The following DOCK2 variants were observed in gnomAD, a reference collection of about 807,000 sequenced individuals.
DOCK2 encodes the protein dedicator of cytokinesis protein 2.
Under a neutral mutation model 248.9 loss-of-function variants are expected in DOCK2, and 87 were observed. The observed-to-expected ratio is 0.35, with a 90% CI of 0.29 to 0.42. DOCK2 has a LOEUF of 0.42. Among genes scored for constraint, DOCK2 ranks in the 10% least tolerant of loss-of-function variants. The pLI is 1.00. For synonymous variants in DOCK2, 805 were observed against 821.6 expected (o/e 0.98, Z 0.35); for missense variants, 1,747 against 2,300.2 (o/e 0.76, Z 4.92).
intron 27 of DOCK2, among the ~76,000 whole-genome samples, chr5:169,852,364 G>C (rs577315717): frequency 1.3e-5 from 2 of 152,318 alleles, no homozygotes; most frequent in South Asian, 4.1e-4. Context: ...GAGAAACAGC[G>C]TATCTGCCAT....
chr5:169,706,487 CAGTA>C (rs1255326113), intron 14 of DOCK2, among the ~76,000 whole-genome samples: 12 of 152,170 alleles, frequency 7.9e-5, no homozygotes, highest in African/African-American at 2.9e-4. Flanking sequence ...GGGATGCTGA[CAGTA>C]AGCATCAGAG....
At chr5:169,950,963 T>C (rs1776639561) in intron 27 of DOCK2, among the ~76,000 whole-genome samples, 1 of 152,234 alleles carries the variant, frequency 6.6e-6, no homozygotes, top group African/African-American at 2.4e-5. Flanking sequence ...TTGATGAGAC[T>C]ATATAAAATT....
At chr5:169,799,778 T>G (rs1393307505) in intron 25 of DOCK2, among the ~76,000 whole-genome samples, 2 of 152,110 alleles carry the variant, frequency 1.3e-5, no homozygotes, top group Non-Finnish European at 2.9e-5. Context: ...ATCAATGTAT[T>G]GTACTCTCAA....
At chr5:169,691,861 TTA>T (rs1461390711) in intron 9 of DOCK2, among the ~76,000 whole-genome samples, 2 of 125,442 alleles carry the variant, frequency 1.6e-5, no homozygotes, top group African/African-American at 9.0e-5. Flanking sequence ...TTATTTTTAT[TTA>T]TTTTTTTTTT....
At chr5:169,980,466 C>T (rs1777901298) in intron 27 of DOCK2, 2 of 152,090 alleles carry the variant, frequency 1.3e-5, no homozygotes. Context: ...GAACAAACTG[C>T]TCGGCAGCTA....
chr5:169,818,451 A>T (rs148059797), intron 26 of DOCK2, among the ~76,000 whole-genome samples: 1 of 152,340 alleles, frequency 6.6e-6, no homozygotes, highest in African/African-American at 2.4e-5. Flanking sequence ...TTGAATTCCA[A>T]TGCCATCACT....
At chr5:169,663,424 C>T (rs533990801) in intron 2 of DOCK2, among the ~76,000 whole-genome samples, 13 of 152,344 alleles carry the variant, frequency 8.5e-5, no homozygotes, top group South Asian at 2.1e-4. Flanking sequence ...CAGTGCCTCA[C>T]GGGGGACTCT....
At chr5:169,870,927 C>G (rs1771926831) in intron 27 of DOCK2, among the ~76,000 whole-genome samples, 1 of 151,562 alleles carries the variant, frequency 6.6e-6, no homozygotes, top group South Asian at 2.1e-4. Flanking sequence ...CACTTTATTT[C>G]TCACAGTTCT....
intron 44 of DOCK2, 57 bp from the exon 45 acceptor site, chr5:170,067,452 CT>C: frequency 1.9e-6 from 3 of 1,539,972 alleles, no homozygotes; most frequent in Non-Finnish European, 2.7e-6. Context: ...CCAATAATAT[CT>C]GTTTTTAAAG....
At chr5:169,771,060 TC>T (rs1415720676) in intron 25 of DOCK2, among the ~76,000 whole-genome samples, 8 of 152,216 alleles carry the variant, frequency 5.3e-5, no homozygotes. Flanking sequence ...CAATTTACAC[TC>T]CCACCAGCAA....
chr5:169,920,303 G>A (rs557111843), intron 27 of DOCK2, among the ~76,000 whole-genome samples: 25 of 152,244 alleles, frequency 1.6e-4, no homozygotes, highest in African/African-American at 5.8e-4. Flanking sequence ...ATAATATTAT[G>A]TAAGATGTAA....
intron 6 of DOCK2, among the ~76,000 whole-genome samples, chr5:169,678,648 G>A (rs1465274430): frequency 2.0e-5 from 3 of 152,140 alleles, no homozygotes; most frequent in African/African-American, 7.2e-5. Flanking sequence ...TCTTTTGAAC[G>A]GCAGGTGATT....
At chr5:169,696,353 C>T (rs371600603) in intron 10 of DOCK2, among the ~76,000 whole-genome samples, 13 of 152,310 alleles carry the variant, frequency 8.5e-5, no homozygotes, top group African/African-American at 2.6e-4. Context: ...CAGATGGAAA[C>T]GGACATTTGG....
At chr5:169,652,328 C>T (rs531240984) in intron 1 of DOCK2, among the ~76,000 whole-genome samples, 2 of 152,368 alleles carry the variant, frequency 1.3e-5, no homozygotes, top group South Asian at 4.1e-4. Context: ...CAGTTGTACA[C>T]TGCAGCCCTA....
chr5:169,786,894 C>T (rs993119988), intron 25 of DOCK2, among the ~76,000 whole-genome samples: 5 of 152,098 alleles, frequency 3.3e-5, no homozygotes, highest in South Asian at 2.1e-4. Flanking sequence ...CTATTAGCCA[C>T]GACCCTTATC....
chr5:169,678,551 C>A (rs1759472601), intron 6 of DOCK2, among the ~76,000 whole-genome samples: 2 of 152,172 alleles, frequency 1.3e-5, no homozygotes, highest in African/African-American at 4.8e-5. Flanking sequence ...TCATAAGCCA[C>A]CGAGCCTGGC....
At chr5:169,967,851 A>G (rs1252027842) in intron 27 of DOCK2, among the ~76,000 whole-genome samples, 5 of 152,164 alleles carry the variant, frequency 3.3e-5, no homozygotes, top group Admixed American at 2.6e-4. Flanking sequence ...CTAAATCCCC[A>G]TGGCTTGTGA....
chr5:170,048,234 A>C (rs1756784758), intron 40 of DOCK2, among the ~76,000 whole-genome samples: 1 of 152,078 alleles, frequency 6.6e-6, no homozygotes, highest in African/African-American at 2.4e-5. Flanking sequence ...TCTACAAAAA[A>C]TACAAAAATT....
At chr5:169,800,885 A>G (rs909244413) in intron 25 of DOCK2, among the ~76,000 whole-genome samples, 7 of 151,222 alleles carry the variant, frequency 4.6e-5, no homozygotes, top group African/African-American at 1.7e-4. Context: ...CTGGGATGAA[A>G]GCGGAGCCTG....
Sources: gnomAD v4.1 joint callset for allele counts (sites outside exome capture counted in the v4.1 genomes callset) on GRCh38, gnomAD v4.1.1 for gene constraint, MANE v1.5 for transcripts, NCBI Gene and HGNC (gene_info 2026-07-23, HGNC 2026-07-21) for gene names.